Variants in APBB2 observed in about 807,000 individuals in gnomAD.
The protein encoded by APBB2 is Fe65-like 1.
In APBB2, 38 loss-of-function variants were observed where a neutral mutation model predicts 82.5. The ratio of observed to expected loss-of-function variants is 0.46; its 90% confidence interval spans 0.36 to 0.60. The LOEUF is 0.60. APBB2 is among the 20% of genes least tolerant of loss of function. APBB2 has a pLI of 0.00. For missense variants in APBB2, 772 were observed against 972.3 expected (o/e 0.79, Z 2.74); for synonymous variants, 341 against 368.2 (o/e 0.93, Z 0.85).
chr4:41,062,939 A>G (rs1478209629), intron 4 of APBB2, among the ~76,000 whole-genome samples: 1 of 152,198 alleles, frequency 6.6e-6, no homozygotes, highest in East Asian at 1.9e-4. Flanking sequence ...CTGGAAAGGC[A>G]CTCAGCTGAT....
intron 1 of APBB2, among the ~76,000 whole-genome samples, chr4:41,181,312 T>C (rs1188098017): frequency 1.3e-5 from 2 of 152,186 alleles, no homozygotes; most frequent in Non-Finnish European, 2.9e-5. Flanking sequence ...CCTTTTTGGG[T>C]CTTCCGCTCC....
chr4:40,882,388 ACCCCAGGG>A (rs1233744058), intron 12 of APBB2, among the ~76,000 whole-genome samples: 1 of 151,902 alleles, frequency 6.6e-6, no homozygotes, highest in Non-Finnish European at 1.5e-5. Context: ...TGAAGGAGGG[ACCCCAGGG>A]CCAGGACCTA....
intron 7 of APBB2, among the ~76,000 whole-genome samples, chr4:40,939,676 C>T (rs1342882728): frequency 6.6e-6 from 1 of 152,146 alleles, no homozygotes; most frequent in Non-Finnish European, 1.5e-5. Flanking sequence ...CTCACTGCAA[C>T]CTCCACCTCC....
intron 1 of APBB2, among the ~76,000 whole-genome samples, chr4:41,192,706 A>T (rs1468898610): frequency 6.6e-6 from 1 of 152,214 alleles, no homozygotes; most frequent in African/African-American, 2.4e-5. Context: ...CAAGACTAGG[A>T]ATCTAACGAA....
intron 1 of APBB2, among the ~76,000 whole-genome samples, chr4:41,152,750 A>G (rs1160913962): frequency 5.3e-5 from 8 of 152,210 alleles, no homozygotes; most frequent in African/African-American, 1.7e-4. Flanking sequence ...TAAAGTGAAG[A>G]TGCCTTCCTC....
intron 1 of APBB2, among the ~76,000 whole-genome samples, chr4:41,178,032 G>A (rs564250230): frequency 1.3e-5 from 2 of 152,148 alleles, no homozygotes; most frequent in South Asian, 2.1e-4. Context: ...GGTCTCACAC[G>A]CAGAAGAACC....
chr4:41,105,885 C>CA (rs34109241), intron 2 of APBB2, among the ~76,000 whole-genome samples: 61,175 of 114,188 alleles, frequency 0.54, 14,347 homozygotes, highest in Non-Finnish European at 0.58. Flanking sequence ...GACCCCGTCT[C>CA]AAAAAAAAAA....
rs1797446047 is a variant in APBB2, at chr4:40,977,401, C to T, written c.836-32328G>A. ...AATCTCAGCTCACTGCAATCTCCAACTCCCAGGTTCAAGCGATTCTCATGC... is the reference window on the plus strand; with the variant it reads ...AATCTCAGCTCACTGCAATCTCCAATTCCCAGGTTCAAGCGATTCTCATGC... On this transcript the variant is annotated intron_variant, in intron 6 of 17. Transcript: ENST00000508593. 3.3e-5 allele frequency among the ~76,000 whole-genome samples: 5 copies of T among 151,032 alleles called. No homozygotes were observed. In the South Asian group the frequency reaches 1.1e-3, roughly 33 times the overall value.
chr4:40,966,464 G>C (rs1794680499), intron 6 of APBB2, among the ~76,000 whole-genome samples: 1 of 152,194 alleles, frequency 6.6e-6, no homozygotes, highest in South Asian at 2.1e-4. Flanking sequence ...GAGGGAGGGG[G>C]GCACTACCCT....
chr4:40,825,419 C>T (rs1749559510), intron 15 of APBB2, among the ~76,000 whole-genome samples: 1 of 152,218 alleles, frequency 6.6e-6, no homozygotes, highest in South Asian at 2.1e-4. Flanking sequence ...CTTGGTATAG[C>T]CCAGCAACTA....
At chr4:41,195,997 G>A in intron 1 of APBB2, among the ~76,000 whole-genome samples, 11 of 151,102 alleles carry the variant, frequency 7.3e-5, no homozygotes, top group Non-Finnish European at 1.3e-4. Context: ...CGTCTCTACC[G>A]AAACTACAAA....
chr4:40,913,636 T>G (rs1340956193), intron 10 of APBB2, among the ~76,000 whole-genome samples: 2 of 152,180 alleles, frequency 1.3e-5, no homozygotes, highest in Non-Finnish European at 2.9e-5. Context: ...AACACTTGAG[T>G]TGCCCAATGC....
intron 6 of APBB2, among the ~76,000 whole-genome samples, chr4:41,007,284 G>A (rs1050347946): frequency 7.3e-5 from 11 of 151,578 alleles, no homozygotes; most frequent in Admixed American, 6.6e-5. Context: ...TGATATCCTC[G>A]CCATGTTATT....
chr4:41,000,154 A>T (rs1804823690), intron 6 of APBB2, among the ~76,000 whole-genome samples: 1 of 151,076 alleles, frequency 6.6e-6, no homozygotes, highest in South Asian at 2.1e-4. Context: ...ACAGTTACTC[A>T]GAAGGCTGAG....
At chr4:41,212,328 A>T (rs1186045426) in intron 1 of APBB2, among the ~76,000 whole-genome samples, 1 of 152,278 alleles carries the variant, frequency 6.6e-6, no homozygotes, top group Non-Finnish European at 1.5e-5. Context: ...AGTATTTTGC[A>T]CTTTAGCTCA....
intron 4 of APBB2, among the ~76,000 whole-genome samples, chr4:41,040,133 T>C (rs1283914514): frequency 6.6e-6 from 1 of 152,036 alleles, no homozygotes; most frequent in East Asian, 1.9e-4. Context: ...AGTGAAATCA[T>C]CATTGTAACC....
intron 1 of APBB2, among the ~76,000 whole-genome samples, chr4:41,198,601 G>A: frequency 6.6e-6 from 1 of 152,134 alleles, no homozygotes; most frequent in Non-Finnish European, 1.5e-5. Flanking sequence ...GGTAAACCCA[G>A]GATTCAAACG....
intron 3 of APBB2, among the ~76,000 whole-genome samples, chr4:41,081,089 TC>T (rs1423837458): frequency 1.3e-5 from 2 of 152,218 alleles, no homozygotes; most frequent in East Asian, 3.8e-4. Flanking sequence ...TCTTGACGTA[TC>T]TAATGGCCAC....
intron 7 of APBB2, among the ~76,000 whole-genome samples, chr4:40,943,569 C>T (rs1560344357): frequency 1.3e-5 from 2 of 152,214 alleles, no homozygotes. Flanking sequence ...CTCTCCATAC[C>T]AAACTCCTTG....
Sources: gnomAD v4.1 joint callset for allele counts (sites outside exome capture counted in the v4.1 genomes callset) on GRCh38, gnomAD v4.1.1 for gene constraint, MANE v1.5 for transcripts, NCBI Gene and HGNC (gene_info 2026-07-23, HGNC 2026-07-21) for gene names.